EPHA6: variants seen among roughly 807,000 people sequenced by gnomAD.
EPHA6 encodes EPH receptor A6.
Under a neutral mutation model 112.0 loss-of-function variants are expected in EPHA6, and 50 were observed. That is an observed-to-expected ratio of 0.45 (90% CI 0.36 to 0.56). The LOEUF (loss-of-function observed/expected upper bound fraction) is 0.56. Among genes scored for constraint, EPHA6 ranks in the 20% least tolerant of loss-of-function variants. The pLI, the probability that EPHA6 is intolerant of heterozygous loss-of-function variation, is 0.00. For synonymous variants in EPHA6, 529 were observed against 490.7 expected (o/e 1.08, Z -1.03); for missense variants, 1,280 against 1,417.4 (o/e 0.90, Z 1.56).
chr3:97,018,917 G>A (rs777369636), intron 3 of EPHA6, among the ~76,000 whole-genome samples: 26 of 152,166 alleles, frequency 1.7e-4, no homozygotes, highest in Non-Finnish European at 2.9e-4. Flanking sequence ...AGACGCTGGC[G>A]TTACCGCTAG....
intron 11 of EPHA6, among the ~76,000 whole-genome samples, chr3:97,542,724 A>G (rs945933006): frequency 3.3e-4 from 51 of 152,290 alleles, no homozygotes; most frequent in African/African-American, 1.1e-3. Flanking sequence ...GTGAAAAAGT[A>G]TTCCTATTTC....
intron 1 of EPHA6, among the ~76,000 whole-genome samples, chr3:96,817,526 A>C (rs1219767184): frequency 6.6e-6 from 1 of 151,968 alleles, no homozygotes; most frequent in Non-Finnish European, 1.5e-5. Flanking sequence ...ATTCATATTT[A>C]GTATTGAGAA....
At chr3:97,353,935 G>T (rs572351202) in intron 5 of EPHA6, among the ~76,000 whole-genome samples, 13 of 152,300 alleles carry the variant, frequency 8.5e-5, no homozygotes, top group African/African-American at 3.1e-4. Flanking sequence ...CAGAGAGAGA[G>T]ATTCCATTTG....
At chr3:97,671,200 A>G (rs113610679) in intron 14 of EPHA6, among the ~76,000 whole-genome samples, 2 of 152,226 alleles carry the variant, frequency 1.3e-5, no homozygotes, top group African/African-American at 4.8e-5. Flanking sequence ...CCCTGTGAGC[A>G]TAAATAACAT....
intron 2 of EPHA6, among the ~76,000 whole-genome samples, chr3:96,975,141 G>T (rs2042471573): frequency 6.6e-6 from 1 of 152,026 alleles, no homozygotes; most frequent in South Asian, 2.1e-4. Context: ...CAATAGGGGT[G>T]GTCTATAAGT....
At chr3:97,033,673 G>A (rs1349102863) in intron 3 of EPHA6, among the ~76,000 whole-genome samples, 2 of 151,924 alleles carry the variant, frequency 1.3e-5, no homozygotes, top group East Asian at 3.9e-4. Context: ...TGTCAACTCA[G>A]ATTTAAAAAC....
intron 11 of EPHA6, among the ~76,000 whole-genome samples, chr3:97,550,057 G>C (rs535120049): frequency 6.6e-6 from 1 of 152,154 alleles, no homozygotes; most frequent in South Asian, 2.1e-4. Flanking sequence ...CTCCAGTATG[G>C]ATGAAACCTC....
At chr3:97,523,712 T>G (rs1425663783) in intron 10 of EPHA6, among the ~76,000 whole-genome samples, 1 of 152,076 alleles carries the variant, frequency 6.6e-6, no homozygotes, top group African/African-American at 2.4e-5. Context: ...TAATGTTTGC[T>G]TTATGTATCT....
chr3:96,905,498 G>T (rs913300779), intron 2 of EPHA6, among the ~76,000 whole-genome samples: 3 of 151,816 alleles, frequency 2.0e-5, no homozygotes, highest in African/African-American at 4.8e-5. Flanking sequence ...ATATTATTAT[G>T]TCTTTATGCA....
intron 3 of EPHA6, among the ~76,000 whole-genome samples, chr3:97,038,503 G>A (rs748190880): frequency 6.6e-6 from 1 of 151,956 alleles, no homozygotes; most frequent in Non-Finnish European, 1.5e-5. Flanking sequence ...TATTTTTATG[G>A]CTGAATAATA....
chr3:97,337,257 T>C (rs2083099735), intron 5 of EPHA6, among the ~76,000 whole-genome samples: 1 of 152,136 alleles, frequency 6.6e-6, no homozygotes, highest in South Asian at 2.1e-4. Context: ...ATTTGCAACT[T>C]CTTCAAAGTC....
At chr3:97,220,797 G>C (rs977946959) in intron 3 of EPHA6, among the ~76,000 whole-genome samples, 3 of 152,162 alleles carry the variant, frequency 2.0e-5, no homozygotes, top group Non-Finnish European at 4.4e-5. Flanking sequence ...AATCTGTGCA[G>C]TGGTCTGGTT....
intron 15 of EPHA6, among the ~76,000 whole-genome samples, chr3:97,722,615 T>G (rs2034578317): frequency 6.6e-6 from 1 of 152,042 alleles, no homozygotes; most frequent in Non-Finnish European, 1.5e-5. Flanking sequence ...TACTTTCTAA[T>G]GGGAGGGAGA....
At chr3:97,528,245 A>C (rs1249090709) in intron 10 of EPHA6, among the ~76,000 whole-genome samples, 1 of 152,140 alleles carries the variant, frequency 6.6e-6, no homozygotes, top group Non-Finnish European at 1.5e-5. Flanking sequence ...ATAGGGGAAT[A>C]AAATAGCATA....
At chr3:97,443,147 G>A (rs2090196335) in intron 6 of EPHA6, among the ~76,000 whole-genome samples, 1 of 152,068 alleles carries the variant, frequency 6.6e-6, no homozygotes, top group South Asian at 2.1e-4. Context: ...ACAGTTTGAT[G>A]AATGTGAGTG....
intron 2 of EPHA6, among the ~76,000 whole-genome samples, chr3:96,935,967 C>T (rs1377434321): frequency 6.6e-6 from 1 of 151,832 alleles, no homozygotes; most frequent in African/African-American, 2.4e-5. Context: ...CAGTATGGAA[C>T]AAACCTCCTA....
chr3:97,020,768 T>A (rs1026912601), intron 3 of EPHA6, among the ~76,000 whole-genome samples: 29 of 152,192 alleles, frequency 1.9e-4, no homozygotes, highest in Non-Finnish European at 2.6e-4. Flanking sequence ...TAGGTTTTTT[T>A]AAATTGTTTT....
At chr3:96,829,989 A>ACACACACG (rs77597931) in intron 1 of EPHA6, among the ~76,000 whole-genome samples, 2 of 150,778 alleles carry the variant, frequency 1.3e-5, no homozygotes, top group East Asian at 3.9e-4. Flanking sequence ...ACACACACAC[A>ACACACACG]GAAATGGTAT....
chr3:97,716,594 AAAAAG>A (rs1559623684), intron 14 of EPHA6, among the ~76,000 whole-genome samples: 4 of 151,200 alleles, frequency 2.6e-5, no homozygotes, highest in African/African-American at 9.7e-5. Context: ...AAAAAAAAAA[AAAAAG>A]AAAAGACCCA....
Sources: gnomAD v4.1 joint callset for allele counts (sites outside exome capture counted in the v4.1 genomes callset) on GRCh38, gnomAD v4.1.1 for gene constraint, MANE v1.5 for transcripts, NCBI Gene and HGNC (gene_info 2026-07-23, HGNC 2026-07-21) for gene names.